Variants in EXD2 observed in about 807,000 individuals in gnomAD.
EXD2 encodes exonuclease 3'-5' domain containing 2.
Under a neutral mutation model 62.5 loss-of-function variants are expected in EXD2, and 40 were observed. The ratio of observed to expected loss-of-function variants is 0.64; its 90% CI spans 0.50 to 0.83. The LOEUF (loss-of-function observed/expected upper bound fraction) is 0.83. Among genes scored for constraint, EXD2 ranks in the 40% least tolerant of loss-of-function variants. EXD2 has a pLI of 0.00. For synonymous variants in EXD2, 239 were observed against 291.9 expected (o/e 0.82, Z 1.85); for missense variants, 671 against 761.8 (o/e 0.88, Z 1.40).
chr14:69,243,723 ATTGACATCACCTT>A lies in EXD2; in HGVS notation c.*2626_*2638del, dbSNP rs2044038642. The A allele has an allele frequency of 6.6e-6, 1 of 152,192 alleles. No homozygotes were observed. The highest frequency in any genetic ancestry group is 1.5e-5 in the Non-Finnish European group (1 of 68,016). The allele number at this position is 152,192 out of a possible 1,614,324, so 9.4% of individuals were successfully genotyped here. A position where few individuals can be genotyped will look rare whatever the true frequency, so the allele number is the denominator to read the frequency against. The stretch of plus-strand genomic sequence containing the variant: ...TTCACATTGCTGGGGCTAAGTACAA[ATTGACATCACCTT>A]TTAGGAATGAAATGCTTCTCTTTGA... On this transcript the variant is annotated 3_prime_UTR_variant, in exon 10 of 10. Coordinates refer to ENST00000685843, the MANE Select transcript of EXD2 (RefSeq NM_001193360.2).
chr14:69,212,670 C>A (rs1566824058), intron 3 of EXD2, among the ~76,000 whole-genome samples: 1 of 149,722 alleles, frequency 6.7e-6, no homozygotes, highest in Non-Finnish European at 1.5e-5. Context: ...GTATGTGCCA[C>A]CACTGTCACT....
intron 5 of EXD2, among the ~76,000 whole-genome samples, chr14:69,233,941 A>ATT (rs1445135450): frequency 1.3e-5 from 2 of 151,658 alleles, no homozygotes; most frequent in Non-Finnish European, 2.9e-5. Context: ...TAATTTTTGT[A>ATT]TTTTTAGTAG....
intron 2 of EXD2, among the ~76,000 whole-genome samples, chr14:69,205,071 T>C (rs994685675): frequency 8.5e-5 from 13 of 152,206 alleles, no homozygotes; most frequent in African/African-American, 3.1e-4. Flanking sequence ...AGTCTTTTTG[T>C]GAATAGATTT....
At chr14:69,215,218 A>T (rs1228800145) in intron 3 of EXD2, among the ~76,000 whole-genome samples, 2 of 152,106 alleles carry the variant, frequency 1.3e-5, no homozygotes, top group Non-Finnish European at 2.9e-5. Flanking sequence ...GGAACCCAGG[A>T]GGCAGAGGTT....
Position 69,237,673 on chromosome 14 carries a change from C to G in EXD2, c.1391C>G (p.Ala464Gly). ...DVLLLCTSCHAISNYYDNHLK... is the reference protein window; with the variant it reads ...DVLLLCTSCHGISNYYDNHLK... The stretch of plus-strand genomic sequence containing the variant: ...CTGCTGCTCTGCACCTCCTGCCATG[C>G]CATTTCCAACTACTATGACAACCAT... Residue 464 changes from alanine to glycine, a missense_variant, in exon 9 of 10, where the codon GCC (alanine) becomes GGC (glycine). Physicochemically the swap from Ala to Gly is moderately conservative, Grantham distance 60 (BLOSUM62 0). Transcript: ENST00000685843. The G allele has an allele frequency of 6.2e-7, 1 of 1,614,222 alleles. No homozygotes were observed. The highest frequency in any genetic ancestry group is 8.5e-7 in the Non-Finnish European group (1 of 1,180,028).
intron 4 of EXD2, among the ~76,000 whole-genome samples, chr14:69,229,396 T>A (rs576122329): frequency 6.6e-6 from 1 of 152,360 alleles, no homozygotes; most frequent in Admixed American, 6.5e-5. Flanking sequence ...AATTTTTGTT[T>A]AAATCAAGAA....
chr14:69,224,935 C>T (rs1161860006), intron 3 of EXD2, among the ~76,000 whole-genome samples: 1 of 152,106 alleles, frequency 6.6e-6, no homozygotes, highest in Non-Finnish European at 1.5e-5. Context: ...GCCGAGATCA[C>T]ACCACTGCAC....
chr14:69,207,150 C>G (rs2140226005), intron 2 of EXD2, among the ~76,000 whole-genome samples: 1 of 152,220 alleles, frequency 6.6e-6, no homozygotes, highest in East Asian at 1.9e-4. Flanking sequence ...CTCTAATACT[C>G]ACATATCTCT....
chr14:69,201,700 T>TTTTA (rs2042410069), intron 1 of EXD2, among the ~76,000 whole-genome samples: 1 of 109,946 alleles, frequency 9.1e-6, no homozygotes, highest in African/African-American at 3.5e-5. Flanking sequence ...TTTTTTTTTT[T>TTTTA]GAGACAGAGT....
At position 69,220,253 on chromosome 14, in the gene EXD2, G is replaced by GTTTTTTTTTTTTTT. The variant is rs869194045; in HGVS notation, c.334-8541_334-8528dup. The stretch of plus-strand genomic sequence containing the variant: ...CTCTCAGCAAGTGTTTTGTCTCTCT[G>GTTTTTTTTTTTTTT]TTTTTTTTTTTTTTTTTTTTTTTTT... On this transcript the variant is annotated intron_variant, in intron 3 of 9. Coordinates refer to ENST00000685843, the MANE Select transcript of EXD2 (RefSeq NM_001193360.2). Among the ~76,000 whole-genome samples, 12 of 35,114 alleles carry GTTTTTTTTTTTTTT rather than the reference G, an allele frequency of 3.4e-4. 2 individuals carry two copies. The highest frequency in any genetic ancestry group is 5.4e-4 in the Non-Finnish European group (11 of 20,218). 23.0% of individuals were successfully genotyped at this position (35,114 alleles called of 152,430 possible). A position where few individuals can be genotyped will look rare whatever the true frequency, so the allele number is the denominator to read the frequency against.
At chr14:69,211,679 A>C (rs1366013922) in intron 3 of EXD2, among the ~76,000 whole-genome samples, 1 of 152,054 alleles carries the variant, frequency 6.6e-6, no homozygotes, top group African/African-American at 2.4e-5. Context: ...AAAAAGTTAC[A>C]TCATTTTAGA....
chr14:69,209,747 C>A lies in EXD2; in HGVS notation c.277C>A (p.Pro93Thr). Reference protein sequence around the residue: ...SQEAEWDQIEPLLRSELEDFP... With the variant: ...SQEAEWDQIETLLRSELEDFP... ...GGAGGCAGAGTGGGATCAAATCGAG[C>A]CCTTGCTTAGAAGTGAATTAGAAGA... Residue 93 changes from proline to threonine, a missense_variant, in exon 3 of 10, where the codon CCC (proline) becomes ACC (threonine). Pro to Thr is a conservative substitution (Grantham distance 38). Transcript: ENST00000685843. 6.5e-7 allele frequency: 1 copy of A among 1,546,802 alleles called. No homozygotes were observed. Among genetic ancestry groups the A allele is most frequent in the Non-Finnish European group, 8.7e-7 (1 of 1,145,610 alleles).
In EXD2 at chr14:69,206,455, C is replaced by CCTTTTTTTTTTTTTTTTTT. The variant is rs60787528; in HGVS notation, c.-48+2455_-48+2456insCTTTTTTTTTTTTTTTTTT. Among the ~76,000 whole-genome samples the CCTTTTTTTTTTTTTTTTTT allele has an allele frequency of 2.5e-3, 240 of 94,640 alleles. 77 individuals are homozygous for CCTTTTTTTTTTTTTTTTTT. Among genetic ancestry groups the CCTTTTTTTTTTTTTTTTTT allele is most frequent in the African/African-American group, 5.5e-3 (122 of 22,180 alleles). 62.1% of individuals were successfully genotyped at this position (94,640 alleles called of 152,430 possible). A position where few individuals can be genotyped will look rare whatever the true frequency, so the allele number is the denominator to read the frequency against. On this transcript the variant is annotated intron_variant, in intron 2 of 9. Transcript: ENST00000685843. ...CCCAGCTTCATCTCCCACCCACCCA[C>CCTTTTTTTTTTTTTTTTTT]TTTTTTTTTTTTTTTTTTTTTTTTT...
intron 5 of EXD2, among the ~76,000 whole-genome samples, chr14:69,232,942 AATC>A (rs2043637993): frequency 6.6e-6 from 1 of 152,218 alleles, no homozygotes; most frequent in Admixed American, 6.5e-5. Flanking sequence ...ATAGTCAAGA[AATC>A]ATTGCCTCAC....
At chr14:69,228,725 A>T (rs1052058723) in intron 3 of EXD2, 91 bp from the exon 4 acceptor site, 1 of 1,492,140 alleles carries the variant, frequency 6.7e-7, no homozygotes, top group East Asian at 2.5e-5. Context: ...GAAGTTAAGG[A>T]TGTACCTCTT....
chr14:69,204,220 T>G (rs1453796394), intron 2 of EXD2, among the ~76,000 whole-genome samples: 2 of 152,218 alleles, frequency 1.3e-5, no homozygotes, highest in Non-Finnish European at 2.9e-5. Context: ...AATATGTACA[T>G]ATTCGTATAA....
At chr14:69,225,787 C>A (rs2043339870) in intron 3 of EXD2, among the ~76,000 whole-genome samples, 1 of 152,092 alleles carries the variant, frequency 6.6e-6, no homozygotes, top group Non-Finnish European at 1.5e-5. Context: ...GACTAGATAT[C>A]TTATTCTTTA....
chr14:69,205,098 G>A (rs1261648092), intron 2 of EXD2, among the ~76,000 whole-genome samples: 2 of 152,076 alleles, frequency 1.3e-5, no homozygotes, highest in African/African-American at 4.8e-5. Context: ...TCCAGCTTGG[G>A]GCTCAGAGAA....
chr14:69,234,719 A>G lies in EXD2; in HGVS notation c.737A>G (p.Asp246Gly). The part of the protein sequence containing the change: ...TEDQVIYAAR[D>G]AQISVALFLH... ...CTTCAGGTAATTTATGCTGCCAGGG[A>G]TGCCCAGATTTCAGTGGCTCTCTTT... The change falls in exon 6 of 10, where the codon GAT becomes GGT. Residue 246 changes from aspartate (D) to glycine (G), a missense_variant. Physicochemically the swap from Asp to Gly is moderately conservative, Grantham distance 94. Transcript: ENST00000685843. 6.2e-7 allele frequency: 1 copy of G among 1,612,518 alleles called. No homozygotes were observed. The highest frequency in any genetic ancestry group is 8.5e-7 in the Non-Finnish European group (1 of 1,179,152).
Sources: gnomAD v4.1 joint callset for allele counts (sites outside exome capture counted in the v4.1 genomes callset) on GRCh38, gnomAD v4.1.1 for gene constraint, MANE v1.5 for transcripts, NCBI Gene and HGNC (gene_info 2026-07-23, HGNC 2026-07-21) for gene names.